Variants in YAF2 observed in about 807,000 individuals in gnomAD.
YAF2 encodes the protein YY1-associated factor 2.
A neutral mutation model predicts 20.1 loss-of-function variants in YAF2; 7 were observed. That is an observed-to-expected ratio of 0.35 (90% CI 0.20 to 0.65). The LOEUF is 0.65. YAF2 is among the 30% of genes least tolerant of loss of function. YAF2 has a pLI of 0.69. For missense variants in YAF2, 151 were observed against 219.2 expected (o/e 0.69, Z 1.96); for synonymous variants, 74 against 76.0 (o/e 0.97, Z 0.14).
chr12:42,192,409 T>TA (rs1246469596), intron 2 of YAF2, among the ~76,000 whole-genome samples: 4 of 151,844 alleles, frequency 2.6e-5, no homozygotes, highest in African/African-American at 9.7e-5. Context: ...CTCAGGAGGC[T>TA]GAGTTGATAG....
rs377532776 is a variant in YAF2 at position 42,238,160 on chromosome 12, G to A, written c.21C>T (p.Pro7=). The A allele has an allele frequency of 5.4e-4, 836 of 1,546,986 alleles. 9 individuals are homozygous for A. In the Middle Eastern group the frequency reaches 0.018, roughly 33 times the overall value. ...CGGGGCCCGGGCGCTGTTACCTGGT[G>A]GGGCTCTTCTTGTCTCCCATGGCTT... is the stretch of plus-strand genomic sequence containing the variant. MGDKKS[P]TRPKRQPKPS... Residue 7 remains proline, a synonymous_variant, in exon 1 of 4, where the codon CCC becomes CCT. Transcript: ENST00000534854.
chr12:42,168,084 T>C (rs1373280024), intron 2 of YAF2, among the ~76,000 whole-genome samples: 4 of 152,166 alleles, frequency 2.6e-5, no homozygotes, highest in African/African-American at 9.7e-5. Context: ...TTTTTAAATC[T>C]AGGATTCTGT....
chr12:42,183,438 C>T, intron 2 of YAF2, among the ~76,000 whole-genome samples: 1 of 152,078 alleles, frequency 6.6e-6, no homozygotes, highest in East Asian at 1.9e-4. Context: ...TAAAGAAAAG[C>T]TGTCGAAGGA....
chr12:42,213,114 C>G (rs1035050852), intron 2 of YAF2, among the ~76,000 whole-genome samples: 1 of 152,244 alleles, frequency 6.6e-6, no homozygotes, highest in Non-Finnish European at 1.5e-5. Context: ...GAGTCCAAGG[C>G]GGGCCTTTCT....
intron 2 of YAF2, among the ~76,000 whole-genome samples, chr12:42,193,851 C>T (rs2066680205): frequency 6.6e-6 from 1 of 152,118 alleles, no homozygotes; most frequent in Admixed American, 6.5e-5. Flanking sequence ...GTTATTACTC[C>T]TGAAGACCTT....
intron 2 of YAF2, among the ~76,000 whole-genome samples, chr12:42,213,645 G>T (rs2067272837): frequency 6.6e-6 from 1 of 152,002 alleles, no homozygotes; most frequent in African/African-American, 2.4e-5. Flanking sequence ...TTTTAAAATA[G>T]AAATTCCTCT....
rs574146960 is a variant in YAF2 at position 42,157,606 on chromosome 12, A to G, written c.*2983T>C. 7 of 152,320 alleles carry G rather than the reference A, an allele frequency of 4.6e-5. No individual in the cohort carries two copies. Among genetic ancestry groups the G allele is most frequent in the African/African-American group, 1.7e-4 (7 of 41,578 alleles). The allele number at this position is 152,320 out of a possible 1,614,324, so 9.4% of individuals were successfully genotyped here. ...CTAAAAGTTAATAAACATGCTATCA[A>G]CTTAGAAAGGCTGAAGTTTCTCTTC... On this transcript the variant is annotated 3_prime_UTR_variant, in exon 4 of 4. Coordinates refer to ENST00000534854, the MANE Select transcript of YAF2 (RefSeq NM_005748.6).
In YAF2 at chr12:42,160,635, G is replaced by T; in HGVS notation, c.497C>A (p.Ser166Tyr). 2 of 1,613,822 alleles carry T rather than the reference G, an allele frequency of 1.2e-6. No homozygotes were observed. The highest frequency in any genetic ancestry group is 1.7e-6 in the Non-Finnish European group (2 of 1,179,860). ...TGATGAGGCTTCTCCTCTGGGTGAA[G>T]ATGACCTGGACATTCCTCTCTCTGT... is the stretch of plus-strand genomic sequence containing the variant. ...DNTERGMSRS[S>Y]SPRGEASSLN... is the part of the protein sequence containing the mutation. The change falls in exon 4 of 4, where the codon TCT (serine) becomes TAT (tyrosine). Residue 166 changes from serine (S) to tyrosine (Y), a missense_variant. Ser to Tyr is a moderately radical substitution (Grantham distance 144). This residue lies in a region of YAF2 where 51 missense variants were observed against 48.9 expected (regional missense o/e 1.04). Coordinates refer to ENST00000534854, the MANE Select transcript of YAF2 (RefSeq NM_005748.6).
intron 2 of YAF2, chr12:42,233,272 A>T: frequency 1.0e-6 from 1 of 985,442 alleles, no homozygotes; most frequent in Non-Finnish European, 1.2e-6. Flanking sequence ...AAAATGTAAC[A>T]TTACCTGTTA....
chr12:42,197,234 CCA>C (rs1342778171), intron 2 of YAF2, among the ~76,000 whole-genome samples: 3 of 152,156 alleles, frequency 2.0e-5, no homozygotes, highest in Non-Finnish European at 2.9e-5. Context: ...CACGTGCTGC[CCA>C]GTGTTCTTTC....
intron 2 of YAF2, among the ~76,000 whole-genome samples, chr12:42,211,152 C>T (rs897638153): frequency 2.6e-5 from 4 of 152,036 alleles, no homozygotes; most frequent in African/African-American, 7.3e-5. Flanking sequence ...CCAGGCCAGG[C>T]GTGGTGGCTC....
intron 2 of YAF2, among the ~76,000 whole-genome samples, chr12:42,174,603 G>A (rs1403516885): frequency 6.6e-6 from 1 of 152,118 alleles, no homozygotes; most frequent in African/African-American, 2.4e-5. Flanking sequence ...AGCAACACCA[G>A]GTACCTCTTA....
At chr12:42,198,105 C>G (rs537485987) in intron 2 of YAF2, among the ~76,000 whole-genome samples, 27 of 152,044 alleles carry the variant, frequency 1.8e-4, no homozygotes, top group Middle Eastern at 6.8e-3. Flanking sequence ...AAATGTTGGG[C>G]CTCACCTTAT....
chr12:42,238,248 T>C lies in YAF2; in HGVS notation c.-68A>G. The C allele has an allele frequency of 1.3e-6, 1 of 780,840 alleles. No homozygotes were observed. The allele number at this position is 780,840 out of a possible 1,614,324, so 48.4% of individuals were successfully genotyped here. On this transcript the variant is annotated 5_prime_UTR_variant, in exon 1 of 4. Coordinates refer to ENST00000534854, the MANE Select transcript of YAF2 (RefSeq NM_005748.6). ...CTCTGTTTGTCAATAAGGAGGATAATAAGCCGGGCGGAAGCGGGCGGGGGA... is the reference window on the plus strand; with the variant it reads ...CTCTGTTTGTCAATAAGGAGGATAACAAGCCGGGCGGAAGCGGGCGGGGGA...
rs192771227 is a variant in YAF2, at chr12:42,225,965, G to C, written c.152+11634C>G. Reference sequence around the variant, plus strand: ...AGCACTGAATCTATAAATTACTTTGGGAAGTATGGCCATTTTCACAATATT... The same window carrying C: ...AGCACTGAATCTATAAATTACTTTGCGAAGTATGGCCATTTTCACAATATT... On this transcript the variant is annotated intron_variant, in intron 2 of 3. Coordinates refer to ENST00000534854, the MANE Select transcript of YAF2 (RefSeq NM_005748.6). 5.0e-4 allele frequency among the ~76,000 whole-genome samples: 76 copies of C among 152,268 alleles called. 2 individuals carry two copies. The highest frequency in any genetic ancestry group is 1.8e-3 in the African/African-American group (75 of 41,536).
chr12:42,197,764 G>A (rs2066792124), intron 2 of YAF2, among the ~76,000 whole-genome samples: 1 of 152,128 alleles, frequency 6.6e-6, no homozygotes, highest in Non-Finnish European at 1.5e-5. Context: ...TACCTTACAA[G>A]AGTAAAGTCT....
chr12:42,233,562 A>C (rs1321413190), intron 2 of YAF2: 1 of 846,030 alleles, frequency 1.2e-6, no homozygotes, highest in African/African-American at 1.8e-5. Context: ...CCCAGGCTGG[A>C]GTGCAGTGGT....
chr12:42,202,107 C>T (rs928832266), intron 2 of YAF2, among the ~76,000 whole-genome samples: 2 of 151,950 alleles, frequency 1.3e-5, no homozygotes, highest in African/African-American at 4.8e-5. Flanking sequence ...TCTAGTTTCC[C>T]CCCCCATCTA....
At chr12:42,177,725 A>G (rs1462652813) in intron 2 of YAF2, among the ~76,000 whole-genome samples, 3 of 151,404 alleles carry the variant, frequency 2.0e-5, no homozygotes, top group Admixed American at 2.0e-4. Context: ...CTGCCCACTC[A>G]CTCCCTCACT....
Sources: allele counts gnomAD v4.1 joint callset (sites outside exome capture counted in the v4.1 genomes callset), GRCh38; gene constraint gnomAD v4.1.1; regional missense constraint gnomAD v4.1.1; transcripts MANE v1.5; gene names NCBI Gene and HGNC (gene_info 2026-07-23, HGNC 2026-07-21).